Variants in MCTP1 observed in about 807,000 individuals in gnomAD.
The protein encoded by MCTP1 is multiple C2 and transmembrane domain-containing protein 1.
A neutral mutation model predicts 120.6 loss-of-function variants in MCTP1; 69 were observed. The observed-to-expected ratio is 0.57, with a 90% CI of 0.47 to 0.70. The LOEUF (loss-of-function observed/expected upper bound fraction) is 0.70. Ranked by LOEUF, MCTP1 falls within the 30% of genes least tolerant of loss-of-function variation. The probability of loss-of-function intolerance (pLI) is 0.00; values close to 1 mark genes in which losing one functional copy is unlikely to be tolerated. For missense variants in MCTP1, 1,203 were observed against 1,248.8 expected, an observed-to-expected ratio of 0.96 and a Z score of 0.55; for synonymous variants, 529 against 493.1, an observed-to-expected ratio of 1.07 and a Z score of -0.96.
intron 1 of MCTP1, among the ~76,000 whole-genome samples, chr5:95,257,179 T>C (rs752835907): frequency 6.6e-6 from 1 of 152,148 alleles, no homozygotes; most frequent in African/African-American, 2.4e-5. Context: ...CATCATTACA[T>C]TACTGTCCTC....
chr5:95,059,728 G>A (rs1748425874), intron 1 of MCTP1, among the ~76,000 whole-genome samples: 1 of 151,248 alleles, frequency 6.6e-6, no homozygotes, highest in Non-Finnish European at 1.5e-5. Flanking sequence ...GTAGAGAGGA[G>A]AGGAGAAGAA....
At chr5:95,180,285 A>G (rs1748461884) in intron 1 of MCTP1, among the ~76,000 whole-genome samples, 1 of 152,064 alleles carries the variant, frequency 6.6e-6, no homozygotes, top group Admixed American at 6.6e-5. Context: ...GGCAGTCACT[A>G]TTTTCCCTCT....
At chr5:95,076,688 A>G (rs1753665986) in intron 1 of MCTP1, among the ~76,000 whole-genome samples, 1 of 152,202 alleles carries the variant, frequency 6.6e-6, no homozygotes. Context: ...AATCAAATGT[A>G]TTTCAAATAA....
chr5:95,033,694 T>A (rs1221976993), intron 1 of MCTP1, among the ~76,000 whole-genome samples: 1 of 151,980 alleles, frequency 6.6e-6, no homozygotes, highest in Non-Finnish European at 1.5e-5. Context: ...TTACCACTTC[T>A]ATTCAACATA....
chr5:95,131,492 C>T (rs1306742031), intron 1 of MCTP1, among the ~76,000 whole-genome samples: 1 of 152,048 alleles, frequency 6.6e-6, no homozygotes, highest in East Asian at 1.9e-4. Context: ...ATTTAGTGTA[C>T]AAGGCTGAGA....
chr5:94,954,147 C>CAAATATATATATGCATATATACACAA lies in MCTP1; in HGVS notation c.839-787_839-786insTTGTGTATATATGCATATATATATTT, dbSNP rs10671946. Among the ~76,000 whole-genome samples the CAAATATATATATGCATATATACACAA allele has an allele frequency of 3.1e-4, 10 of 32,512 alleles. 1 individual carries two copies. In the South Asian group the frequency reaches 7.5e-3, roughly 25 times the overall value. 21.3% of individuals were successfully genotyped at this position (32,512 alleles called of 152,430 possible). On this transcript the variant is annotated intron_variant, in intron 2 of 22. Transcript: ENST00000515393. ...ACAAATATATATATGCATATATATA[C>CAAATATATATATGCATATATACACAA]ATATATATATGCATATATATACATA...
At chr5:95,054,102 G>A (rs560693096) in intron 1 of MCTP1, among the ~76,000 whole-genome samples, 1 of 152,126 alleles carries the variant, frequency 6.6e-6, no homozygotes, top group South Asian at 2.1e-4. Flanking sequence ...TTGCTTTTAG[G>A]GATTTCAAAT....
intron 17 of MCTP1, among the ~76,000 whole-genome samples, chr5:94,800,671 C>A (rs958695045): frequency 6.6e-6 from 1 of 152,134 alleles, no homozygotes; most frequent in South Asian, 2.1e-4. Flanking sequence ...AAAATGACTT[C>A]ATGACATTAC....
At chr5:95,005,413 C>T (rs905457486) in intron 2 of MCTP1, among the ~76,000 whole-genome samples, 1 of 83,752 alleles carries the variant, frequency 1.2e-5, no homozygotes, top group Non-Finnish European at 2.9e-5. Context: ...GTGAGAAGGA[C>T]ATGAGATTTG....
intron 1 of MCTP1, among the ~76,000 whole-genome samples, chr5:95,182,024 A>G (rs1328888696): frequency 1.3e-5 from 2 of 152,218 alleles, no homozygotes; most frequent in Non-Finnish European, 2.9e-5. Context: ...AGAAACAACA[A>G]ATGATAACAC....
intron 17 of MCTP1, among the ~76,000 whole-genome samples, chr5:94,843,733 TTCAGAAG>T (rs1040296741): frequency 1.3e-5 from 2 of 152,062 alleles, no homozygotes; most frequent in African/African-American, 4.8e-5. Context: ...GACACAAAAG[TTCAGAAG>T]TGTCACATAA....
intron 19 of MCTP1, among the ~76,000 whole-genome samples, chr5:94,759,903 GA>G (rs10719332): frequency 0.35 from 27,256 of 78,366 alleles, 3,120 homozygotes; most frequent in East Asian, 0.45. Context: ...TTTTCAAAGA[GA>G]AAAAAAAAAA....
At chr5:95,051,843 C>T (rs761927897) in intron 1 of MCTP1, among the ~76,000 whole-genome samples, 3 of 151,936 alleles carry the variant, frequency 2.0e-5, no homozygotes, top group Non-Finnish European at 4.4e-5. Context: ...ATTGAGTACA[C>T]AGGACACAAA....
intron 1 of MCTP1, among the ~76,000 whole-genome samples, chr5:95,166,856 T>G (rs1746453305): frequency 6.6e-6 from 1 of 152,010 alleles, no homozygotes; most frequent in Admixed American, 6.6e-5. Flanking sequence ...CGTGAGCCAC[T>G]GTGCACAGCC....
intron 19 of MCTP1, among the ~76,000 whole-genome samples, chr5:94,768,465 G>T (rs139197091): frequency 5.3e-5 from 8 of 151,834 alleles, no homozygotes; most frequent in Admixed American, 5.2e-4. Context: ...CGAAGAAACA[G>T]CTCTCTTTTG....
At chr5:94,872,368 T>TTA (rs1324989451) in intron 13 of MCTP1, among the ~76,000 whole-genome samples, 1 of 152,066 alleles carries the variant, frequency 6.6e-6, no homozygotes, top group African/African-American at 2.4e-5. Context: ...GTGGAATTCC[T>TTA]TAAAAATAAA....
At position 95,224,737 on chromosome 5, in the gene MCTP1, T is replaced by C. The variant is rs528111872; in HGVS notation, c.720+59119A>G. On this transcript the variant is annotated intron_variant, in intron 1 of 22. Transcript: ENST00000515393. ...GTTGCCCAGGCTGGTCTTGAACTCA[T>C]GGGCTAAAGCAATCTTCCTGCTTCA... 3.3e-5 allele frequency among the ~76,000 whole-genome samples: 5 copies of C among 152,276 alleles called. 1 individual carries two copies. In the South Asian group the frequency reaches 8.3e-4, roughly 25 times the overall value.
chr5:94,881,790 T>C (rs567402664), intron 12 of MCTP1, among the ~76,000 whole-genome samples: 6 of 152,284 alleles, frequency 3.9e-5, no homozygotes, highest in East Asian at 3.9e-4. Flanking sequence ...TAAATGTTAG[T>C]TGTCATTATT....
At chr5:94,933,986 T>C (rs1445820448) in intron 5 of MCTP1, among the ~76,000 whole-genome samples, 13 of 151,810 alleles carry the variant, frequency 8.6e-5, no homozygotes, top group Non-Finnish European at 1.5e-5. Flanking sequence ...TGAGAACCCA[T>C]TCACTATTTT....
Sources: allele counts gnomAD v4.1 joint callset (sites outside exome capture counted in the v4.1 genomes callset), GRCh38; gene constraint gnomAD v4.1.1; transcripts MANE v1.5; gene names NCBI Gene and HGNC (gene_info 2026-07-23, HGNC 2026-07-21).